AK5: variants seen among roughly 807,000 people sequenced by gnomAD.
The protein encoded by AK5 is adenylate kinase isoenzyme 5.
AK5 carries 27 observed loss-of-function variants against 69.5 expected under a neutral mutation model. That is an observed-to-expected ratio of 0.39 (90% CI 0.29 to 0.54). AK5 has a LOEUF of 0.54. Among genes scored for constraint, AK5 ranks in the 20% least tolerant of loss-of-function variants. The probability of loss-of-function intolerance (pLI) is 0.71; values close to 1 mark genes in which losing one functional copy is unlikely to be tolerated. For missense variants in AK5, 531 were observed against 700.4 expected, an observed-to-expected ratio of 0.76 and a Z score of 2.73; for synonymous variants, 260 against 244.4, an observed-to-expected ratio of 1.06 and a Z score of -0.60.
At chr1:77,292,379 A>G (rs9324160) in intron 2 of AK5, among the ~76,000 whole-genome samples, 3,101 of 152,244 alleles carry the variant, frequency 0.02, 107 homozygotes, top group African/African-American at 0.071. Flanking sequence ...GTCTGTGGTC[A>G]ATGGCCTTAT....
At chr1:77,294,436 A>G (rs977964663) in intron 3 of AK5, among the ~76,000 whole-genome samples, 9 of 152,034 alleles carry the variant, frequency 5.9e-5, no homozygotes, top group Non-Finnish European at 1.2e-4. Context: ...TCTAAACATG[A>G]TGTGATTTTT....
At chr1:77,428,846 A>G (rs1471295527) in intron 8 of AK5, among the ~76,000 whole-genome samples, 1 of 151,916 alleles carries the variant, frequency 6.6e-6, no homozygotes, top group South Asian at 2.1e-4. Context: ...GAGTGAGAAC[A>G]TGCGGTGTTT....
intron 5 of AK5, among the ~76,000 whole-genome samples, chr1:77,301,128 T>C (rs922541460): frequency 1.3e-5 from 2 of 152,136 alleles, no homozygotes; most frequent in African/African-American, 4.8e-5. Context: ...AAGAAGTGTA[T>C]TTTTCTTCTT....
intron 10 of AK5, among the ~76,000 whole-genome samples, chr1:77,518,123 C>T (rs968854136): frequency 3.3e-5 from 5 of 152,178 alleles, no homozygotes; most frequent in African/African-American, 1.2e-4. Flanking sequence ...ATTTGTTGAG[C>T]ATTCACTAAG....
chr1:77,505,965 A>C (rs575674229), intron 10 of AK5, among the ~76,000 whole-genome samples: 12 of 152,266 alleles, frequency 7.9e-5, no homozygotes. Flanking sequence ...CTATACACTT[A>C]ATATATGCCT....
At chr1:77,283,319 C>T (rs1658168174) in intron 1 of AK5, 6 of 985,260 alleles carry the variant, frequency 6.1e-6, no homozygotes, top group Non-Finnish European at 7.2e-6. Flanking sequence ...AGAATAGAAG[C>T]AAGCCAGGCT....
At chr1:77,525,162 G>A in intron 12 of AK5, among the ~76,000 whole-genome samples, 1 of 152,170 alleles carries the variant, frequency 6.6e-6, no homozygotes, top group East Asian at 1.9e-4. Context: ...GCCTGCCTTG[G>A]CCTCCCAAAG....
intron 13 of AK5, among the ~76,000 whole-genome samples, chr1:77,555,179 G>A (rs548570945): frequency 1.3e-5 from 2 of 152,156 alleles, no homozygotes; most frequent in Non-Finnish European, 2.9e-5. Flanking sequence ...TCGGGAGGCT[G>A]AGGCAGGAGA....
intron 6 of AK5, among the ~76,000 whole-genome samples, chr1:77,404,326 C>CT (rs1557565137): frequency 6.6e-6 from 1 of 151,678 alleles, no homozygotes; most frequent in Non-Finnish European, 1.5e-5. Context: ...CCCCTGACCC[C>CT]CTGCAAGTGT....
chr1:77,533,080 A>G (rs948810318), intron 12 of AK5, among the ~76,000 whole-genome samples: 34 of 152,216 alleles, frequency 2.2e-4, no homozygotes, highest in African/African-American at 2.4e-5. Context: ...ACTGATCGAT[A>G]GCTTTTTATA....
chr1:77,515,149 T>G (rs755033646), intron 10 of AK5, among the ~76,000 whole-genome samples: 6 of 152,194 alleles, frequency 3.9e-5, no homozygotes, highest in Non-Finnish European at 8.8e-5. Flanking sequence ...ATTGCTGTTT[T>G]CCTATTACAT....
chr1:77,339,154 A>G (rs1021110111), intron 5 of AK5, among the ~76,000 whole-genome samples: 1 of 152,280 alleles, frequency 6.6e-6, no homozygotes, highest in South Asian at 2.1e-4. Context: ...CTAGTATAGT[A>G]ATACATGCAT....
chr1:77,528,811 G>A (rs1332065572), intron 12 of AK5, among the ~76,000 whole-genome samples: 3 of 152,214 alleles, frequency 2.0e-5, no homozygotes, highest in Admixed American at 2.0e-4. Context: ...TGGTTATAGT[G>A]ACTCTGGTGT....
At chr1:77,319,858 G>C (rs1229437961) in intron 5 of AK5, among the ~76,000 whole-genome samples, 1 of 152,214 alleles carries the variant, frequency 6.6e-6, no homozygotes, top group African/African-American at 2.4e-5. Flanking sequence ...TGTGAAGAAT[G>C]ATTATGTGTA....
chr1:77,453,824 C>T (rs1011640763), intron 8 of AK5, among the ~76,000 whole-genome samples: 9 of 152,160 alleles, frequency 5.9e-5, no homozygotes, highest in African/African-American at 1.7e-4. Context: ...TTAGCAACAA[C>T]GGTATAAGTA....
At chr1:77,509,741 G>A (rs936538078) in intron 10 of AK5, among the ~76,000 whole-genome samples, 2 of 152,214 alleles carry the variant, frequency 1.3e-5, no homozygotes, top group Non-Finnish European at 2.9e-5. Flanking sequence ...CACCTTTAAA[G>A]GTGTTAAAAC....
intron 13 of AK5, among the ~76,000 whole-genome samples, chr1:77,546,462 C>G (rs773611674): frequency 3.9e-5 from 6 of 152,180 alleles, no homozygotes; most frequent in Non-Finnish European, 2.9e-5. Context: ...GTAATCCCAG[C>G]ACTTTGGGAG....
intron 11 of AK5, among the ~76,000 whole-genome samples, chr1:77,519,941 T>C (rs899879512): frequency 1.1e-4 from 16 of 152,266 alleles, no homozygotes; most frequent in African/African-American, 3.4e-4. Flanking sequence ...CAGTGGCTCA[T>C]GCCTGTAATC....
intron 6 of AK5, among the ~76,000 whole-genome samples, chr1:77,376,318 G>A (rs1238095829): frequency 2.0e-5 from 3 of 151,370 alleles, no homozygotes; most frequent in Non-Finnish European, 4.4e-5. Context: ...CAAGTAGGTC[G>A]AAGCAGACTC....
Sources: allele counts gnomAD v4.1 joint callset (sites outside exome capture counted in the v4.1 genomes callset), GRCh38; gene constraint gnomAD v4.1.1; transcripts MANE v1.5; gene names NCBI Gene and HGNC (gene_info 2026-07-23, HGNC 2026-07-21).